Variants in ATRNL1 observed in about 807,000 individuals in gnomAD.
The protein encoded by ATRNL1 is attractin-like protein 1.
ATRNL1 carries 95 observed loss-of-function variants against 182.7 expected under a neutral mutation model. That is an observed-to-expected ratio of 0.52 (90% confidence interval 0.44 to 0.62). The LOEUF (loss-of-function observed/expected upper bound fraction) is 0.62. ATRNL1 is among the 20% of genes least tolerant of loss of function. The pLI is 0.00. For missense variants in ATRNL1, 1,471 were observed against 1,679.5 expected, an observed-to-expected ratio of 0.88 and a Z score of 2.17; for synonymous variants, 576 against 568.3, an observed-to-expected ratio of 1.01 and a Z score of -0.19.
At chr10:115,404,243 G>A (rs950486976) in intron 20 of ATRNL1, among the ~76,000 whole-genome samples, 3 of 152,124 alleles carry the variant, frequency 2.0e-5, no homozygotes, top group Admixed American at 2.0e-4. Flanking sequence ...TAGATTGAAT[G>A]TCATTTAATC....
At position 115,234,597 on chromosome 10, in the gene ATRNL1, T is replaced by C. The variant is rs567397540; in HGVS notation, c.1533-6974T>C. Among the ~76,000 whole-genome samples, 5 of 140,192 alleles carry C rather than the reference T, an allele frequency of 3.6e-5. No homozygotes were observed. The East Asian group carries it at 7.8e-4, about 22-fold the overall frequency. 92.0% of individuals were successfully genotyped at this position (140,192 alleles called of 152,430 possible). A position where few individuals can be genotyped will look rare whatever the true frequency, so the allele number is the denominator to read the frequency against. ...GATTCGATTTTTTTCTTTTTCTTTTTTTTTTTTTTTTGAGACAGGGTCTCA... is the reference window on the plus strand; with the variant it reads ...GATTCGATTTTTTTCTTTTTCTTTTCTTTTTTTTTTTGAGACAGGGTCTCA... On this transcript the variant is annotated intron_variant, in intron 9 of 28. Transcript: ENST00000355044.
intron 1 of ATRNL1, among the ~76,000 whole-genome samples, chr10:115,117,575 T>G (rs548806867): frequency 6.6e-6 from 1 of 152,270 alleles, no homozygotes; most frequent in South Asian, 2.1e-4. Context: ...ATTGTGTTTA[T>G]GTACCACATT....
At chr10:115,218,455 T>C (rs1228551103) in intron 9 of ATRNL1, among the ~76,000 whole-genome samples, 1 of 152,216 alleles carries the variant, frequency 6.6e-6, no homozygotes, top group Non-Finnish European at 1.5e-5. Context: ...GATCCTCTTC[T>C]AGCATGGACA....
intron 10 of ATRNL1, among the ~76,000 whole-genome samples, chr10:115,264,967 T>C (rs1851545574): frequency 6.6e-6 from 1 of 151,666 alleles, no homozygotes; most frequent in Non-Finnish European, 1.5e-5. Context: ...TCTCATATGC[T>C]TAAAATTATT....
chr10:115,705,700 C>G (rs181441878), intron 26 of ATRNL1, among the ~76,000 whole-genome samples: 8 of 151,980 alleles, frequency 5.3e-5, no homozygotes, highest in African/African-American at 1.9e-4. Context: ...TATGCATGTC[C>G]TATAAGATTA....
At chr10:115,856,428 C>CAAAAAAAA (rs572743389) in intron 28 of ATRNL1, among the ~76,000 whole-genome samples, 312 of 22,516 alleles carry the variant, frequency 0.014, 91 homozygotes, top group East Asian at 0.062. Flanking sequence ...AGCTCCATCT[C>CAAAAAAAA]AAAAAAAAAA....
intron 9 of ATRNL1, among the ~76,000 whole-genome samples, chr10:115,238,182 ACTTTGTT>A (rs1433431310): frequency 1.3e-5 from 2 of 152,024 alleles, no homozygotes; most frequent in African/African-American, 4.8e-5. Flanking sequence ...TCAATCTTTG[ACTTTGTT>A]CTTCTTCTTC....
intron 28 of ATRNL1, among the ~76,000 whole-genome samples, chr10:115,863,830 C>G (rs1951372292): frequency 6.6e-6 from 1 of 152,066 alleles, no homozygotes; most frequent in African/African-American, 2.4e-5. Context: ...TAAGAAGGGC[C>G]AACCACAAGA....
At chr10:115,328,339 C>T (rs991825134) in intron 18 of ATRNL1, among the ~76,000 whole-genome samples, 10 of 152,038 alleles carry the variant, frequency 6.6e-5, no homozygotes, top group East Asian at 1.9e-4. Context: ...CGGTTCAATG[C>T]GATGTTTTAA....
chr10:115,611,298 A>G (rs915646454), intron 26 of ATRNL1, among the ~76,000 whole-genome samples: 3 of 152,158 alleles, frequency 2.0e-5, no homozygotes, highest in Non-Finnish European at 4.4e-5. Flanking sequence ...TACAAAATAT[A>G]TGCATTTCCT....
At chr10:115,483,123 G>A (rs1203838667) in intron 24 of ATRNL1, among the ~76,000 whole-genome samples, 3 of 151,376 alleles carry the variant, frequency 2.0e-5, no homozygotes, top group Admixed American at 2.0e-4. Flanking sequence ...CAACCCCTGT[G>A]CTAATGGAAA....
At chr10:115,633,547 A>G (rs1189447358) in intron 26 of ATRNL1, among the ~76,000 whole-genome samples, 1 of 152,184 alleles carries the variant, frequency 6.6e-6, no homozygotes, top group Non-Finnish European at 1.5e-5. Context: ...TTCTGATTCA[A>G]AAATAAGTCC....
chr10:115,640,656 G>T (rs905730565), intron 26 of ATRNL1, among the ~76,000 whole-genome samples: 1 of 152,110 alleles, frequency 6.6e-6, no homozygotes, highest in Non-Finnish European at 1.5e-5. Flanking sequence ...TAAGTTCCTT[G>T]TAGATTCTGG....
At chr10:115,906,880 A>G (rs1270214501) in intron 28 of ATRNL1, among the ~76,000 whole-genome samples, 2 of 147,646 alleles carry the variant, frequency 1.4e-5, no homozygotes, top group African/African-American at 5.4e-5. Context: ...CGCTTTGTAA[A>G]TATTAATTCA....
At chr10:115,248,355 G>C (rs1055481651) in intron 10 of ATRNL1, among the ~76,000 whole-genome samples, 4 of 151,834 alleles carry the variant, frequency 2.6e-5, no homozygotes, top group Non-Finnish European at 5.9e-5. Flanking sequence ...TAACTCTTGG[G>C]GGAAGAAGGC....
intron 10 of ATRNL1, among the ~76,000 whole-genome samples, chr10:115,255,118 A>G (rs1338060603): frequency 1.3e-5 from 2 of 151,648 alleles, no homozygotes; most frequent in East Asian, 1.9e-4. Flanking sequence ...GGCAATGCGG[A>G]CTCTTTTTTG....
chr10:115,303,457 A>C (rs1198269047), intron 17 of ATRNL1, among the ~76,000 whole-genome samples: 4 of 152,016 alleles, frequency 2.6e-5, no homozygotes, highest in Admixed American at 2.6e-4. Context: ...TCCTGACCTC[A>C]TGATCCACCC....
chr10:115,418,546 C>G (rs1197023410), intron 20 of ATRNL1, among the ~76,000 whole-genome samples: 2 of 151,992 alleles, frequency 1.3e-5, no homozygotes, highest in African/African-American at 4.8e-5. Flanking sequence ...AAAATAATAA[C>G]AGAAAACTTT....
At chr10:115,347,487 T>C (rs1856029838) in intron 19 of ATRNL1, among the ~76,000 whole-genome samples, 1 of 152,122 alleles carries the variant, frequency 6.6e-6, no homozygotes, top group African/African-American at 2.4e-5. Context: ...TTTATTACTA[T>C]TCTTTCATTT....
Sources: gnomAD v4.1 joint callset for allele counts (sites outside exome capture counted in the v4.1 genomes callset) on GRCh38, gnomAD v4.1.1 for gene constraint, MANE v1.5 for transcripts, NCBI Gene and HGNC (gene_info 2026-07-23, HGNC 2026-07-21) for gene names.